The following MAGI2 variants were observed in gnomAD, a reference collection of about 807,000 sequenced individuals.
MAGI2 encodes membrane associated guanylate kinase, WW and PDZ domain containing 2.
MAGI2 carries 35 observed loss-of-function variants against 133.3 expected under a neutral mutation model. The observed-to-expected ratio is 0.26, with a 90% CI of 0.20 to 0.35. MAGI2 has a LOEUF of 0.35. Ranked by LOEUF, MAGI2 falls within the 10% of genes least tolerant of loss-of-function variation. MAGI2 has a pLI of 1.00. For synonymous variants in MAGI2, 729 were observed against 710.6 expected, an observed-to-expected ratio of 1.03 and a Z score of -0.41; for missense variants, 1,636 against 1,863.4, an observed-to-expected ratio of 0.88 and a Z score of 2.25.
At position 78,458,696 on chromosome 7, in the gene MAGI2, A is replaced by G. The variant is rs1172781266; in HGVS notation, c.1045+31065T>C. 9.3e-5 allele frequency among the ~76,000 whole-genome samples: 14 copies of G among 150,244 alleles called. 1 individual carries two copies. The Middle Eastern group carries it at 0.014, about 148-fold the overall frequency. On this transcript the variant is annotated intron_variant, in intron 6 of 21. Transcript: ENST00000354212. ...GTTACCCAGGCTGGAGTGCAGTGGC[A>G]CGATCTCGGCTCAGTGCAAGCTCCG...
intron 1 of MAGI2, among the ~76,000 whole-genome samples, chr7:79,399,873 A>G (rs10247922): frequency 0.15 from 22,671 of 152,216 alleles, 1,914 homozygotes; most frequent in African/African-American, 0.22. Flanking sequence ...CATCTGGCTG[A>G]AGATTGTTCA....
At chr7:78,941,059 T>A (rs1433038632) in intron 2 of MAGI2, among the ~76,000 whole-genome samples, 1 of 152,182 alleles carries the variant, frequency 6.6e-6, no homozygotes, top group Non-Finnish European at 1.5e-5. Context: ...GCTTTATACT[T>A]GGCTATACAG....
At chr7:78,925,971 A>G (rs928793206) in intron 2 of MAGI2, among the ~76,000 whole-genome samples, 4 of 151,964 alleles carry the variant, frequency 2.6e-5, no homozygotes, top group Non-Finnish European at 5.9e-5. Context: ...CTTTTTTATG[A>G]CCCTGCCTAG....
chr7:78,167,820 T>C (rs1022029240), intron 15 of MAGI2, 96 bp downstream of exon 15: 1 of 1,116,632 alleles, frequency 9.0e-7, no homozygotes, highest in African/African-American at 1.5e-5. Context: ...AATGTAGAAA[T>C]GGATTTAAAA....
At chr7:79,092,789 GC>G (rs1817177122) in intron 1 of MAGI2, among the ~76,000 whole-genome samples, 1 of 152,026 alleles carries the variant, frequency 6.6e-6, no homozygotes, top group Non-Finnish European at 1.5e-5. Context: ...TGTATACCCA[GC>G]CTTATTTTTA....
At chr7:78,756,624 A>G (rs1017192486) in intron 2 of MAGI2, among the ~76,000 whole-genome samples, 2 of 152,162 alleles carry the variant, frequency 1.3e-5, no homozygotes, top group Non-Finnish European at 2.9e-5. Context: ...GGTACCTAAG[A>G]GTATTGTGGA....
chr7:78,853,020 AG>A (rs200907201), intron 2 of MAGI2, among the ~76,000 whole-genome samples: 3,340 of 152,240 alleles, frequency 0.022, 54 homozygotes, highest in Non-Finnish European at 0.034. Flanking sequence ...GCCACATATT[AG>A]TGTCTGGGAA....
At chr7:78,067,903 T>C (rs1416999671) in intron 21 of MAGI2, among the ~76,000 whole-genome samples, 1 of 152,194 alleles carries the variant, frequency 6.6e-6, no homozygotes, top group Admixed American at 6.5e-5. Context: ...AGACGGTTAT[T>C]GGTTGCCAGG....
intron 2 of MAGI2, among the ~76,000 whole-genome samples, chr7:78,765,343 C>CGT (rs71931638): frequency 1.1e-5 from 1 of 89,056 alleles, no homozygotes; most frequent in South Asian, 4.6e-4. Context: ...TAGTGCACAT[C>CGT]TTTTTTTTTT....
intron 6 of MAGI2, among the ~76,000 whole-genome samples, chr7:78,371,991 A>G (rs1793962311): frequency 6.6e-6 from 1 of 152,110 alleles, no homozygotes; most frequent in Admixed American, 6.6e-5. Context: ...ACAGGAAACC[A>G]ATAGCAGATA....
chr7:78,720,021 A>G (rs117331073), intron 2 of MAGI2, among the ~76,000 whole-genome samples: 3,749 of 152,286 alleles, frequency 0.025, 70 homozygotes, highest in Non-Finnish European at 0.037. Context: ...CTACAAAAAT[A>G]TATCAAATGG....
intron 2 of MAGI2, among the ~76,000 whole-genome samples, chr7:78,941,111 A>G (rs1052822299): frequency 1.3e-5 from 2 of 152,104 alleles, no homozygotes; most frequent in African/African-American, 2.4e-5. Context: ...CTCCTGAGAT[A>G]ATGTCTATAT....
chr7:78,708,553 T>C (rs1585152232), intron 2 of MAGI2, among the ~76,000 whole-genome samples: 1 of 152,310 alleles, frequency 6.6e-6, no homozygotes, highest in Middle Eastern at 3.4e-3. Context: ...TTTACACATG[T>C]TAATTCATTT....
chr7:79,274,655 A>G (rs901877284), intron 1 of MAGI2, among the ~76,000 whole-genome samples: 1 of 152,062 alleles, frequency 6.6e-6, no homozygotes, highest in Non-Finnish European at 1.5e-5. Flanking sequence ...CTTTATTTAC[A>G]GGCATATTTT....
At chr7:79,002,295 AT>A (rs112154372) in intron 2 of MAGI2, among the ~76,000 whole-genome samples, 75 of 148,700 alleles carry the variant, frequency 5.0e-4, no homozygotes, top group Middle Eastern at 3.4e-3. Flanking sequence ...CCAATTTTTA[AT>A]TTTTTTTTTG....
At chr7:78,300,133 A>G (rs1252064223) in intron 9 of MAGI2, among the ~76,000 whole-genome samples, 1 of 152,324 alleles carries the variant, frequency 6.6e-6, no homozygotes, top group Non-Finnish European at 1.5e-5. Flanking sequence ...ACATTTTTAT[A>G]TTATAGTTCT....
At chr7:78,394,386 C>T (rs114852100) in intron 6 of MAGI2, among the ~76,000 whole-genome samples, 178 of 152,296 alleles carry the variant, frequency 1.2e-3, no homozygotes, top group African/African-American at 4.1e-3. Flanking sequence ...CTTAGAATGA[C>T]ATTCAGAGTC....
intron 1 of MAGI2, among the ~76,000 whole-genome samples, chr7:79,355,336 TAAAC>T (rs758484509): frequency 6.1e-5 from 9 of 147,884 alleles, no homozygotes; most frequent in South Asian, 2.1e-4. Context: ...AACAAACAAA[TAAAC>T]AAACAAAAAA....
intron 1 of MAGI2, among the ~76,000 whole-genome samples, chr7:79,322,407 T>C (rs1839253605): frequency 1.3e-5 from 2 of 152,128 alleles, no homozygotes; most frequent in South Asian, 2.1e-4. Context: ...GTCCAGACTC[T>C]GAAGCCAGAC....
Sources: gnomAD v4.1 joint callset for allele counts (sites outside exome capture counted in the v4.1 genomes callset) on GRCh38, gnomAD v4.1.1 for gene constraint, MANE v1.5 for transcripts, NCBI Gene and HGNC (gene_info 2026-07-23, HGNC 2026-07-21) for gene names.